The following L3MBTL4 variants were observed in gnomAD, a reference collection of about 807,000 sequenced individuals.
L3MBTL4 encodes the protein L3MBTL histone methyl-lysine binding protein 4.
Under a neutral mutation model 84.5 loss-of-function variants are expected in L3MBTL4, and 70 were observed. The observed-to-expected ratio is 0.83, with a 90% CI of 0.68 to 1.01. The LOEUF (loss-of-function observed/expected upper bound fraction) is 1.01. Among genes scored for constraint, L3MBTL4 ranks in the 50% least tolerant of loss-of-function variants. L3MBTL4 has a pLI of 0.00. For missense variants in L3MBTL4, 715 were observed against 754.8 expected (o/e 0.95, Z 0.62); for synonymous variants, 274 against 259.8 (o/e 1.05, Z -0.52).
At chr18:6,264,620 C>A (rs1332831036) in intron 4 of L3MBTL4, among the ~76,000 whole-genome samples, 5 of 152,142 alleles carry the variant, frequency 3.3e-5, no homozygotes, top group African/African-American at 4.8e-5. Context: ...CCCGTCTCTA[C>A]TAAAAATACA....
At chr18:5,990,614 T>C (rs73374479) in intron 16 of L3MBTL4, among the ~76,000 whole-genome samples, 9,372 of 152,306 alleles carry the variant, frequency 0.062, 958 homozygotes, top group African/African-American at 0.21. Flanking sequence ...AATATTAATT[T>C]TGCTTATGTG....
chr18:5,998,296 G>C (rs544664465), intron 16 of L3MBTL4, among the ~76,000 whole-genome samples: 1 of 152,330 alleles, frequency 6.6e-6, no homozygotes, highest in East Asian at 1.9e-4. Context: ...AGCGGGAGGG[G>C]GACTAGGAAC....
intron 17 of L3MBTL4, among the ~76,000 whole-genome samples, chr18:5,965,053 C>T (rs1314210227): frequency 6.6e-6 from 1 of 152,200 alleles, no homozygotes; most frequent in Non-Finnish European, 1.5e-5. Context: ...ACATACTTTA[C>T]ACCTCCACAA....
At chr18:6,050,210 G>A (rs965948829) in intron 16 of L3MBTL4, among the ~76,000 whole-genome samples, 1 of 152,162 alleles carries the variant, frequency 6.6e-6, no homozygotes, top group African/African-American at 2.4e-5. Flanking sequence ...TGGATGCAAA[G>A]TTAATTATCT....
At chr18:6,398,416 G>C (rs1195032521) in intron 1 of L3MBTL4, among the ~76,000 whole-genome samples, 7 of 152,146 alleles carry the variant, frequency 4.6e-5, no homozygotes, top group Non-Finnish European at 1.0e-4. Flanking sequence ...GTGCTGAGTG[G>C]AGCATCATCC....
At chr18:6,115,248 T>C (rs998345486) in intron 14 of L3MBTL4, among the ~76,000 whole-genome samples, 1 of 152,172 alleles carries the variant, frequency 6.6e-6, no homozygotes, top group Non-Finnish European at 1.5e-5. Flanking sequence ...TTGGGAATGA[T>C]TGGTCTGACT....
At chr18:5,973,959 T>C (rs1188293759) in intron 16 of L3MBTL4, among the ~76,000 whole-genome samples, 3 of 152,198 alleles carry the variant, frequency 2.0e-5, no homozygotes, top group Non-Finnish European at 2.9e-5. Flanking sequence ...TTAATCAAAA[T>C]GTTCTCTGCA....
chr18:5,961,301 G>T (rs9951806), intron 17 of L3MBTL4, among the ~76,000 whole-genome samples: 56,109 of 151,844 alleles, frequency 0.37, 10,633 homozygotes, highest in East Asian at 0.5. Flanking sequence ...GCCCCTGACG[G>T]TGCAGGAGAC....
At chr18:6,258,319 C>A (rs934098381) in intron 5 of L3MBTL4, among the ~76,000 whole-genome samples, 1 of 152,212 alleles carries the variant, frequency 6.6e-6, no homozygotes, top group African/African-American at 2.4e-5. Context: ...AGGGCCACAG[C>A]TATCTGCAAG....
chr18:6,345,963 T>C (rs1036965635), intron 1 of L3MBTL4, among the ~76,000 whole-genome samples: 6 of 142,294 alleles, frequency 4.2e-5, no homozygotes, highest in African/African-American at 1.4e-4. Context: ...GGTAGTAGCA[T>C]AAAAACAGAT....
intron 10 of L3MBTL4, among the ~76,000 whole-genome samples, chr18:6,232,159 A>G (rs2047024835): frequency 1.3e-5 from 2 of 151,884 alleles, no homozygotes; most frequent in African/African-American, 4.8e-5. Context: ...TTTTTTCTCT[A>G]CATTTTGTTG....
chr18:5,976,860 G>A (rs1314120764), intron 16 of L3MBTL4, among the ~76,000 whole-genome samples: 1 of 152,190 alleles, frequency 6.6e-6, no homozygotes, highest in Admixed American at 6.5e-5. Context: ...TTCTCTAAAA[G>A]TGTCGCTGCC....
intron 1 of L3MBTL4, among the ~76,000 whole-genome samples, chr18:6,392,996 G>C (rs947063396): frequency 6.6e-6 from 1 of 151,860 alleles, no homozygotes; most frequent in Non-Finnish European, 1.5e-5. Flanking sequence ...TTGGCTTATG[G>C]GTACATTAAA....
At chr18:6,137,672 T>G (rs1264141557) in intron 14 of L3MBTL4, among the ~76,000 whole-genome samples, 1 of 152,260 alleles carries the variant, frequency 6.6e-6, no homozygotes, top group East Asian at 1.9e-4. Context: ...GGCTTACATA[T>G]TTATTCGTAT....
chr18:6,126,650 T>A (rs2059704778), intron 14 of L3MBTL4, among the ~76,000 whole-genome samples: 1 of 152,190 alleles, frequency 6.6e-6, no homozygotes, highest in Non-Finnish European at 1.5e-5. Flanking sequence ...AAAAAATCAT[T>A]GAATTCTCAC....
rs116796269 is a variant in L3MBTL4, at chr18:6,331,414, A to G, written c.-90-19358T>C. Among the ~76,000 whole-genome samples, 1,095 of 152,254 alleles carry G rather than the reference A, an allele frequency of 7.2e-3. 15 individuals carry two copies. The highest frequency in any genetic ancestry group is 0.026 in the African/African-American group (1,060 of 41,538). On this transcript the variant is annotated intron_variant, in intron 1 of 18. Transcript: ENST00000317931. ...CCAGCAATGCAGAAAGCTCAAATCA[A>G]TTATAACAAAACTGCCCCATAGCAA...
At chr18:6,061,257 TTGA>T (rs2057209861) in intron 16 of L3MBTL4, among the ~76,000 whole-genome samples, 1 of 152,138 alleles carries the variant, frequency 6.6e-6, no homozygotes, top group South Asian at 2.1e-4. Flanking sequence ...ATATATGATG[TTGA>T]TCTTTTAATA....
chr18:6,247,223 A>G (rs1270861222), intron 5 of L3MBTL4, among the ~76,000 whole-genome samples: 1 of 152,176 alleles, frequency 6.6e-6, no homozygotes, highest in East Asian at 1.9e-4. Context: ...CTGTAAATTT[A>G]ACATTTATAC....
intron 12 of L3MBTL4, among the ~76,000 whole-genome samples, chr18:6,178,017 T>C (rs1466334211): frequency 1.3e-5 from 2 of 152,150 alleles, no homozygotes; most frequent in Non-Finnish European, 2.9e-5. Flanking sequence ...GGTCCTGCTT[T>C]GAGGAGTTAG....
Sources: allele counts gnomAD v4.1 joint callset (sites outside exome capture counted in the v4.1 genomes callset), GRCh38; gene constraint gnomAD v4.1.1; transcripts MANE v1.5; gene names NCBI Gene and HGNC (gene_info 2026-07-23, HGNC 2026-07-21).